SLC14A2: variants seen among roughly 807,000 people sequenced by gnomAD.
The protein encoded by SLC14A2 is urea transporter 2.
A neutral mutation model predicts 104.6 loss-of-function variants in SLC14A2; 91 were observed. That is an observed-to-expected ratio of 0.87 (90% CI 0.73 to 1.04). The LOEUF is 1.04. Ranked by LOEUF, SLC14A2 falls within the 50% of genes least tolerant of loss-of-function variation. The pLI is 0.00. For missense variants in SLC14A2, 1,189 were observed against 1,156.0 expected (o/e 1.03, Z -0.41); for synonymous variants, 476 against 466.4 (o/e 1.02, Z -0.27).
chr18:45,248,563 C>T lies in SLC14A2; in HGVS notation c.-125+35372C>T, dbSNP rs79017767. Reference sequence around the variant, plus strand: ...GCTTGTTCAAACAAAGTCTCAATTTCCCGACAAGCAGTTGGAACTTGGGGT... The same window carrying T: ...GCTTGTTCAAACAAAGTCTCAATTTTCCGACAAGCAGTTGGAACTTGGGGT... On this transcript the variant is annotated intron_variant, in intron 1 of 20. Coordinates refer to the SLC14A2 transcript ENST00000586448. Among the ~76,000 whole-genome samples, 806 of 152,166 alleles carry T rather than the reference C, an allele frequency of 5.3e-3. 4 individuals carry two copies. Among genetic ancestry groups the T allele is most frequent in the Admixed American group, 9.4e-3 (144 of 15,284 alleles).
chr18:45,608,152 T>C (rs1200236899), intron 2 of SLC14A2, among the ~76,000 whole-genome samples: 5 of 152,342 alleles, frequency 3.3e-5, no homozygotes, highest in African/African-American at 1.2e-4. Flanking sequence ...CCAAATGCTT[T>C]TGAATGAACA....
chr18:45,260,099 T>C (rs981839950), intron 1 of SLC14A2, among the ~76,000 whole-genome samples: 1 of 152,214 alleles, frequency 6.6e-6, no homozygotes, highest in Non-Finnish European at 1.5e-5. Context: ...TGTTAAAATA[T>C]ACACAGATGA....
chr18:45,174,047 T>C, the SLC14A2 span, among the ~76,000 whole-genome samples: 7 of 152,184 alleles, frequency 4.6e-5, no homozygotes, highest in African/African-American at 1.7e-4. Context: ...CATTACCTCA[T>C]GTGAGTGTAT....
chr18:45,224,517 C>A (rs1425809819), intron 1 of SLC14A2, among the ~76,000 whole-genome samples: 1 of 152,088 alleles, frequency 6.6e-6, no homozygotes, highest in Non-Finnish European at 1.5e-5. Context: ...GTGAATGGGC[C>A]CAACTATGGG....
intron 1 of SLC14A2, among the ~76,000 whole-genome samples, chr18:45,419,525 G>T (rs1485597789): frequency 1.3e-5 from 2 of 152,228 alleles, no homozygotes; most frequent in Non-Finnish European, 2.9e-5. Context: ...TATAATCCCA[G>T]CACTTTGGGA....
At chr18:45,488,174 G>C (rs952546060) in intron 2 of SLC14A2, among the ~76,000 whole-genome samples, 1 of 152,172 alleles carries the variant, frequency 6.6e-6, no homozygotes, top group African/African-American at 2.4e-5. Context: ...TGGACTCTTT[G>C]AGGATGTATG....
chr18:45,535,438 C>T (rs939146517), intron 2 of SLC14A2, among the ~76,000 whole-genome samples: 4 of 152,172 alleles, frequency 2.6e-5, no homozygotes, highest in African/African-American at 7.2e-5. Flanking sequence ...ACACAGTCTC[C>T]GTTACTCCGT....
intron 2 of SLC14A2, among the ~76,000 whole-genome samples, chr18:45,554,329 A>G (rs1311594693): frequency 6.6e-6 from 1 of 152,238 alleles, no homozygotes; most frequent in Non-Finnish European, 1.5e-5. Flanking sequence ...ATCAATTTAC[A>G]AAGATCCTGT....
At chr18:45,405,783 C>T (rs932741667) in intron 1 of SLC14A2, among the ~76,000 whole-genome samples, 3 of 151,648 alleles carry the variant, frequency 2.0e-5, no homozygotes, top group Non-Finnish European at 4.4e-5. Context: ...CCTGTAATCC[C>T]AGCTACTGGG....
At chr18:45,514,936 C>T (rs1361041074) in intron 2 of SLC14A2, among the ~76,000 whole-genome samples, 1 of 152,184 alleles carries the variant, frequency 6.6e-6, no homozygotes, top group Non-Finnish European at 1.5e-5. Context: ...CCCTGTTCCA[C>T]ATTTTGTCAA....
chr18:45,496,988 C>T (rs1009753243), intron 2 of SLC14A2, among the ~76,000 whole-genome samples: 1 of 152,140 alleles, frequency 6.6e-6, no homozygotes, highest in Admixed American at 6.5e-5. Flanking sequence ...TGTCAGTTTC[C>T]CTGGATTGAG....
In SLC14A2 at chr18:45,639,895, T is replaced by G. The variant is rs764201646; in HGVS notation, c.991+2T>G. ...GCTCAATCGTGGGGCTGCTAGCAGGTAGGACAGAGCTCCCTCTCTTCAGGT... is the reference window on the plus strand; with the variant it reads ...GCTCAATCGTGGGGCTGCTAGCAGGGAGGACAGAGCTCCCTCTCTTCAGGT... On this transcript the variant is annotated splice_donor_variant, in intron 7 of 19. Coordinates refer to ENST00000255226, the MANE Select transcript of SLC14A2 (RefSeq NM_007163.4). LOFTEE classifies it high-confidence loss of function. 4 of 1,612,662 alleles carry G rather than the reference T, an allele frequency of 2.5e-6. No individual in the cohort carries two copies. In the South Asian group the frequency reaches 4.4e-5, roughly 18 times the overall value.
At chr18:45,223,859 C>G (rs780934056) in intron 1 of SLC14A2, among the ~76,000 whole-genome samples, 1 of 152,174 alleles carries the variant, frequency 6.6e-6, no homozygotes, top group Non-Finnish European at 1.5e-5. Context: ...TGGGGCAACT[C>G]CAGGGAAACA....
chr18:45,223,155 G>A (rs2084079680), intron 1 of SLC14A2, among the ~76,000 whole-genome samples: 1 of 152,168 alleles, frequency 6.6e-6, no homozygotes, highest in South Asian at 2.1e-4. Flanking sequence ...CAAATGAGGA[G>A]AATATTGCTT....
chr18:45,170,104 CAAAT>C, the SLC14A2 span, among the ~76,000 whole-genome samples: 1 of 152,120 alleles, frequency 6.6e-6, no homozygotes, highest in South Asian at 2.1e-4. Context: ...GGAAAGGGAA[CAAAT>C]AAAAGACTTT....
At chr18:45,475,336 A>G (rs540624152) in intron 1 of SLC14A2, among the ~76,000 whole-genome samples, 85 of 152,132 alleles carry the variant, frequency 5.6e-4, no homozygotes, top group African/African-American at 2.0e-3. Flanking sequence ...GTTGAGAAGA[A>G]TGTATATTCT....
chr18:45,669,791 C>T (rs1178855955), intron 16 of SLC14A2, among the ~76,000 whole-genome samples: 3 of 152,252 alleles, frequency 2.0e-5, no homozygotes, highest in Non-Finnish European at 2.9e-5. Flanking sequence ...ACTAGAACTT[C>T]AGCCTCCTGA....
chr18:45,468,542 A>G (rs962692318), intron 1 of SLC14A2, among the ~76,000 whole-genome samples: 4 of 152,186 alleles, frequency 2.6e-5, no homozygotes, highest in Admixed American at 2.6e-4. Flanking sequence ...TCCTATTTGT[A>G]AAATTAAGCC....
At chr18:45,230,369 A>G (rs2084162448) in intron 1 of SLC14A2, among the ~76,000 whole-genome samples, 1 of 152,218 alleles carries the variant, frequency 6.6e-6, no homozygotes, top group Non-Finnish European at 1.5e-5. Context: ...AGAATCCATT[A>G]TCTTGCTTTT....
Sources: gnomAD v4.1 joint callset for allele counts (sites outside exome capture counted in the v4.1 genomes callset) on GRCh38, gnomAD v4.1.1 for gene constraint, MANE v1.5 for transcripts, NCBI Gene and HGNC (gene_info 2026-07-23, HGNC 2026-07-21) for gene names.